AUTS2: variants seen among roughly 807,000 people sequenced by gnomAD.
AUTS2 encodes activator of transcription and developmental regulator AUTS2, also known as autism susceptibility gene 2 protein.
A neutral mutation model predicts 112.4 loss-of-function variants in AUTS2; 17 were observed. The observed-to-expected ratio is 0.15, with a 90% CI of 0.10 to 0.23. The LOEUF (loss-of-function observed/expected upper bound fraction) is 0.23. Among genes scored for constraint, AUTS2 ranks in the 10% least tolerant of loss-of-function variants. AUTS2 has a pLI of 1.00. For synonymous variants in AUTS2, 751 were observed against 702.7 expected, an observed-to-expected ratio of 1.07 and a Z score of -1.09; for missense variants, 1,510 against 1,701.6, an observed-to-expected ratio of 0.89 and a Z score of 1.98.
At chr7:70,099,289 G>C (rs17141193) in intron 2 of AUTS2, among the ~76,000 whole-genome samples, 12,280 of 152,182 alleles carry the variant, frequency 0.081, 637 homozygotes, top group African/African-American at 0.13. Context: ...ATTTTTTGTG[G>C]AAGCCAAAGT....
At chr7:69,875,032 A>G (rs1007164940) in intron 1 of AUTS2, among the ~76,000 whole-genome samples, 3 of 139,304 alleles carry the variant, frequency 2.2e-5, no homozygotes, top group African/African-American at 5.3e-5. Context: ...TCTACCCCCA[A>G]CCCTTTTTTT....
chr7:70,416,105 G>GT (rs1470953163), intron 4 of AUTS2, among the ~76,000 whole-genome samples: 1 of 152,038 alleles, frequency 6.6e-6, no homozygotes, highest in Non-Finnish European at 1.5e-5. Context: ...ATGCAGGTGT[G>GT]TTTTTTTCTC....
intron 2 of AUTS2, among the ~76,000 whole-genome samples, chr7:70,031,423 G>A (rs899099568): frequency 1.1e-4 from 16 of 152,138 alleles, no homozygotes; most frequent in Admixed American, 5.2e-4. Flanking sequence ...CAGTCAGACC[G>A]AAGAGAGCAC....
At chr7:70,118,281 C>T in intron 3 of AUTS2, 48 bp downstream of exon 3, 1 of 1,493,522 alleles carries the variant, frequency 6.7e-7, no homozygotes, top group South Asian at 1.4e-5. Flanking sequence ...ACGAAAACCA[C>T]TAGGCCACAC....
chr7:70,675,351 G>A (rs1807856865), intron 5 of AUTS2, among the ~76,000 whole-genome samples: 2 of 152,134 alleles, frequency 1.3e-5, no homozygotes, highest in Non-Finnish European at 2.9e-5. Flanking sequence ...AAATTAGCCA[G>A]GTGTGGTGGT....
At chr7:69,716,989 T>G (rs952386092) in intron 1 of AUTS2, among the ~76,000 whole-genome samples, 14 of 152,164 alleles carry the variant, frequency 9.2e-5, no homozygotes, top group Admixed American at 7.2e-4. Flanking sequence ...AAACTGCACG[T>G]GTTTAGCTCT....
At chr7:70,487,487 G>A (rs1404553192) in intron 5 of AUTS2, among the ~76,000 whole-genome samples, 1 of 152,168 alleles carries the variant, frequency 6.6e-6, no homozygotes, top group Non-Finnish European at 1.5e-5. Context: ...TGGCTGCATA[G>A]GGAGCCATTA....
At chr7:70,596,640 T>C (rs1803226747) in intron 5 of AUTS2, 1 of 152,270 alleles carries the variant, frequency 6.6e-6, no homozygotes, top group African/African-American at 2.4e-5. Flanking sequence ...CGGCTAGGTT[T>C]GGCTTTGGGA....
chr7:70,124,855 C>T (rs1185651199), intron 3 of AUTS2, among the ~76,000 whole-genome samples: 1 of 152,182 alleles, frequency 6.6e-6, no homozygotes, highest in East Asian at 1.9e-4. Flanking sequence ...GCCACCGCGC[C>T]CAGCCCAGCT....
chr7:69,871,785 A>G (rs368160096), intron 1 of AUTS2, among the ~76,000 whole-genome samples: 3 of 152,208 alleles, frequency 2.0e-5, no homozygotes, highest in African/African-American at 4.8e-5. Flanking sequence ...CATGCTATTC[A>G]TAATGCCTCA....
intron 4 of AUTS2, among the ~76,000 whole-genome samples, chr7:70,380,241 C>G (rs796697164): frequency 2.0e-5 from 3 of 152,240 alleles, no homozygotes; most frequent in African/African-American, 7.2e-5. Flanking sequence ...TAATGTGGCT[C>G]TGGGATCAAA....
At chr7:70,755,123 A>G (rs1789112480) in intron 6 of AUTS2, among the ~76,000 whole-genome samples, 1 of 152,198 alleles carries the variant, frequency 6.6e-6, no homozygotes, top group African/African-American at 2.4e-5. Flanking sequence ...TGGAAGGTTT[A>G]ATATGCACCA....
At chr7:70,496,796 C>CA (rs1798549781) in intron 5 of AUTS2, among the ~76,000 whole-genome samples, 1 of 136,724 alleles carries the variant, frequency 7.3e-6, no homozygotes, top group Non-Finnish European at 1.6e-5. Context: ...CACACACACA[C>CA]CCCACACATG....
At chr7:70,445,619 T>C (rs1189542509) in intron 5 of AUTS2, among the ~76,000 whole-genome samples, 1 of 152,198 alleles carries the variant, frequency 6.6e-6, no homozygotes, top group Non-Finnish European at 1.5e-5. Flanking sequence ...ATACAAGGTA[T>C]ATATTTTAAC....
At chr7:69,902,171 G>T (rs1339104536) in intron 2 of AUTS2, among the ~76,000 whole-genome samples, 2 of 152,098 alleles carry the variant, frequency 1.3e-5, no homozygotes, top group East Asian at 1.9e-4. Context: ...GTGGTCCATT[G>T]TGTGTCAGTC....
At chr7:69,751,578 T>C (rs537489230) in intron 1 of AUTS2, among the ~76,000 whole-genome samples, 49 of 152,328 alleles carry the variant, frequency 3.2e-4, no homozygotes, top group Admixed American at 8.5e-4. Context: ...GGATGAATTA[T>C]TGACCTGAAC....
intron 4 of AUTS2, among the ~76,000 whole-genome samples, chr7:70,257,153 T>A (rs1251141162): frequency 6.6e-6 from 1 of 152,170 alleles, no homozygotes; most frequent in Non-Finnish European, 1.5e-5. Context: ...TTTGTTTTTC[T>A]TTTAAGAATT....
intron 6 of AUTS2, among the ~76,000 whole-genome samples, chr7:70,734,398 C>A (rs1300140641): frequency 2.6e-5 from 4 of 151,818 alleles, no homozygotes; most frequent in African/African-American, 9.7e-5. Flanking sequence ...CAAGATCGCG[C>A]CACTGCACTC....
At chr7:70,153,576 T>G (rs1183550457) in intron 4 of AUTS2, among the ~76,000 whole-genome samples, 4 of 152,244 alleles carry the variant, frequency 2.6e-5, no homozygotes, top group Admixed American at 2.6e-4. Flanking sequence ...CAGTTTATTA[T>G]ATTTCATTTA....
Sources: allele counts gnomAD v4.1 joint callset (sites outside exome capture counted in the v4.1 genomes callset), GRCh38; gene constraint gnomAD v4.1.1; transcripts MANE v1.5; gene names NCBI Gene and HGNC (gene_info 2026-07-23, HGNC 2026-07-21).